EPC1: variants seen among roughly 807,000 people sequenced by gnomAD.
The protein encoded by EPC1 is enhancer of polycomb homolog 1.
EPC1 carries 12 observed loss-of-function variants against 98.4 expected under a neutral mutation model. The observed-to-expected ratio is 0.12, with a 90% confidence interval of 0.08 to 0.20. The LOEUF (loss-of-function observed/expected upper bound fraction) is 0.20, where lower values mean the gene tolerates loss of function less well. Among genes scored for constraint, EPC1 ranks in the 10% least tolerant of loss-of-function variants. The pLI is 1.00. For missense variants in EPC1, 729 were observed against 990.5 expected (o/e 0.74, Z 3.54); for synonymous variants, 357 against 363.9 (o/e 0.98, Z 0.21).
At chr10:32,276,248 C>T (rs1438645584) in intron 10 of EPC1, among the ~76,000 whole-genome samples, 4 of 152,180 alleles carry the variant, frequency 2.6e-5, no homozygotes, top group Non-Finnish European at 2.9e-5. Context: ...CAGTGGCATA[C>T]GCCTGTAATC....
chr10:32,341,497 C>T (rs1838351191), intron 1 of EPC1, among the ~76,000 whole-genome samples: 1 of 152,150 alleles, frequency 6.6e-6, no homozygotes, highest in African/African-American at 2.4e-5. Flanking sequence ...TTTTTTCTCT[C>T]GTTTACAAAA....
At chr10:32,333,701 T>C (rs1837778099) in intron 1 of EPC1, among the ~76,000 whole-genome samples, 1 of 152,244 alleles carries the variant, frequency 6.6e-6, no homozygotes, top group African/African-American at 2.4e-5. Flanking sequence ...AATACTACTT[T>C]GTCAGACAAA....
intron 1 of EPC1, among the ~76,000 whole-genome samples, chr10:32,364,165 C>CCACCA (rs2133108462): frequency 2.0e-5 from 3 of 151,506 alleles, no homozygotes; most frequent in African/African-American, 7.3e-5. Flanking sequence ...CAGGTGCCCA[C>CCACCA]CACCACACCG....
upstream of EPC1, among the ~76,000 whole-genome samples, chr10:32,347,751 G>A (rs982273330): frequency 6.6e-6 from 1 of 152,200 alleles, no homozygotes; most frequent in African/African-American, 2.4e-5. Flanking sequence ...CTGAATTAGG[G>A]GCAGATGCTA....
In EPC1 at chr10:32,268,839, GTACTGTACAGATAAT is replaced by G. The variant is rs923241168; in HGVS notation, c.*209_*223del. The G allele has an allele frequency of 1.4e-5, 6 of 415,710 alleles. No homozygotes were observed. The Admixed American group carries it at 2.5e-4, about 17-fold the overall frequency. 25.8% of individuals were successfully genotyped at this position (415,710 alleles called of 1,614,324 possible). On this transcript the variant is annotated 3_prime_UTR_variant, in exon 14 of 14. Coordinates refer to ENST00000319778, the MANE Select transcript of EPC1 (RefSeq NM_001272004.3). ...TATACAAGGGTATTACAAATATGCA[GTACTGTACAGATAAT>G]TGCTGTATTCTTAATTTACAGATGT... is the stretch of plus-strand genomic sequence containing the variant.
intron 1 of EPC1, 40 bp downstream of exon 1, chr10:32,346,723 C>A (rs747752930): frequency 6.3e-7 from 1 of 1,580,062 alleles, no homozygotes; most frequent in African/African-American, 1.4e-5. Flanking sequence ...GCAGAGGGAG[C>A]GGGCCTGACG....
chr10:32,293,305 G>A, intron 3 of EPC1, 111 bp from the exon 4 acceptor site: 1 of 912,840 alleles, frequency 1.1e-6, no homozygotes, highest in East Asian at 2.6e-5. Context: ...ATTAACAAAT[G>A]GGAAACTTGA....
At chr10:32,367,698 G>C (rs1315034886) in intron 1 of EPC1, among the ~76,000 whole-genome samples, 2 of 152,136 alleles carry the variant, frequency 1.3e-5, no homozygotes, top group Non-Finnish European at 2.9e-5. Flanking sequence ...TTTTCCAATT[G>C]AAATGTACAC....
Position 32,284,686 on chromosome 10 carries a change from C to T in EPC1, c.1744+12G>A, listed in dbSNP as rs757259718. On this transcript the variant is annotated intron_variant, in intron 10 of 13. Coordinates refer to ENST00000319778, the MANE Select transcript of EPC1 (RefSeq NM_001272004.3). ...TTTCTATAGAAACGTACATCATTAACAGTCAACATACCAAAGTGTGCTGAA... is the reference window on the plus strand; with the variant it reads ...TTTCTATAGAAACGTACATCATTAATAGTCAACATACCAAAGTGTGCTGAA... The T allele has an allele frequency of 1.3e-6, 2 of 1,587,352 alleles. No homozygotes were observed. Among genetic ancestry groups the T allele is most frequent in the South Asian group, 1.1e-5 (1 of 89,064 alleles).
intron 1 of EPC1, among the ~76,000 whole-genome samples, chr10:32,354,928 C>A (rs557567159): frequency 6.6e-6 from 1 of 152,300 alleles, no homozygotes; most frequent in African/African-American, 2.4e-5. Context: ...ACTGTCCCCA[C>A]ATAGGACTGT....
At position 32,321,481 on chromosome 10, in the gene EPC1, T is replaced by C. The variant is rs1178510137; in HGVS notation, c.154-15550A>G. ...GATCCTCCTGCCTCTGCCTCCTAAGTAGCTGGTGCTACAGGTGCAACCACC... is the reference window on the plus strand; with the variant it reads ...GATCCTCCTGCCTCTGCCTCCTAAGCAGCTGGTGCTACAGGTGCAACCACC... On this transcript the variant is annotated intron_variant, in intron 1 of 13. Transcript: ENST00000319778. 3.9e-5 allele frequency among the ~76,000 whole-genome samples: 6 copies of C among 152,056 alleles called. No individual in the cohort carries two copies. In the East Asian group the frequency reaches 1.2e-3, roughly 29 times the overall value.
At chr10:32,301,338 A>G (rs373365068) in intron 2 of EPC1, among the ~76,000 whole-genome samples, 11 of 152,352 alleles carry the variant, frequency 7.2e-5, no homozygotes, top group African/African-American at 2.6e-4. Flanking sequence ...AGATTCACAT[A>G]GAAAAGATGT....
At chr10:32,282,700 T>C (rs1371396937) in intron 10 of EPC1, 1 of 152,202 alleles carries the variant, frequency 6.6e-6, no homozygotes, top group Non-Finnish European at 1.5e-5. Context: ...CCTAAAGCAG[T>C]ATAGCAAAAC....
chr10:32,317,671 C>T (rs1836636083), intron 1 of EPC1, among the ~76,000 whole-genome samples: 1 of 151,996 alleles, frequency 6.6e-6, no homozygotes, highest in Non-Finnish European at 1.5e-5. Context: ...TTAAAATGAA[C>T]ACATTTTACT....
chr10:32,300,060 T>G (rs1389173204), intron 2 of EPC1, among the ~76,000 whole-genome samples: 10 of 151,544 alleles, frequency 6.6e-5, no homozygotes, highest in Admixed American at 6.6e-4. Context: ...TACAGGCACC[T>G]GCCACCACGC....
intron 1 of EPC1, among the ~76,000 whole-genome samples, chr10:32,337,258 T>C (rs1838032561): frequency 6.6e-6 from 1 of 152,234 alleles, no homozygotes; most frequent in African/African-American, 2.4e-5. Flanking sequence ...AGGGTTCTAC[T>C]TGATACGCTG....
chr10:32,353,914 C>A (rs535990246), intron 1 of EPC1, among the ~76,000 whole-genome samples: 1 of 152,144 alleles, frequency 6.6e-6, no homozygotes, highest in Non-Finnish European at 1.5e-5. Flanking sequence ...TCCACCATAA[C>A]ATTTAGGTAA....
intron 1 of EPC1, among the ~76,000 whole-genome samples, chr10:32,344,465 A>G (rs1211323109): frequency 6.6e-6 from 1 of 152,224 alleles, no homozygotes; most frequent in Non-Finnish European, 1.5e-5. Context: ...CACATGTTAC[A>G]AACTATTGAT....
chr10:32,338,372 T>C (rs1394597225), intron 1 of EPC1, among the ~76,000 whole-genome samples: 3 of 152,302 alleles, frequency 2.0e-5, no homozygotes, highest in East Asian at 3.9e-4. Context: ...AAAGCCACCA[T>C]CATCACTCTT....
Sources: gnomAD v4.1 joint callset for allele counts (sites outside exome capture counted in the v4.1 genomes callset) on GRCh38, gnomAD v4.1.1 for gene constraint, MANE v1.5 for transcripts, NCBI Gene and HGNC (gene_info 2026-07-23, HGNC 2026-07-21) for gene names.